The following PLIN3 variants were observed in gnomAD, a reference collection of about 807,000 sequenced individuals.
PLIN3 encodes perilipin-3.
A neutral mutation model predicts 35.9 loss-of-function variants in PLIN3; 30 were observed. The ratio of observed to expected loss-of-function variants is 0.84; its 90% CI spans 0.62 to 1.13. The LOEUF (loss-of-function observed/expected upper bound fraction) is 1.13. Among genes scored for constraint, PLIN3 ranks in the 50% most tolerant of loss-of-function variants. The pLI is 0.00. For missense variants in PLIN3, 603 were observed against 596.9 expected, an observed-to-expected ratio of 1.01 and a Z score of -0.11; for synonymous variants, 261 against 262.5, an observed-to-expected ratio of 0.99 and a Z score of 0.06.
chr19:4,843,483 G>A (rs550518160), intron 7 of PLIN3, among the ~76,000 whole-genome samples: 26 of 145,910 alleles, frequency 1.8e-4, no homozygotes, highest in Admixed American at 1.8e-3. Flanking sequence ...ACTCCAGCCT[G>A]GGTGACAGAG....
At chr19:4,855,392 G>T (rs917569466) in intron 4 of PLIN3, among the ~76,000 whole-genome samples, 1 of 152,100 alleles carries the variant, frequency 6.6e-6, no homozygotes, top group African/African-American at 2.4e-5. Context: ...GGGAAGCAAG[G>T]GCTTGGCCCT....
rs2030307714 is a variant in PLIN3 at position 4,852,014 on chromosome 19, ACCCAGTTCGGCAT to A, written c.623_634+1del. The A allele has an allele frequency of 2.5e-6, 4 of 1,612,598 alleles. No homozygotes were observed. The highest frequency in any genetic ancestry group is 3.4e-6 in the Non-Finnish European group (4 of 1,179,302). On this transcript the variant is annotated splice_donor_variant and coding_sequence_variant, in exon 5 of 8. Transcript: ENST00000221957. LOFTEE classifies it high-confidence loss of function. Reference sequence around the variant, plus strand: ...CCAGAGCAGCCCGCTGGCCACACTTACCCAGTTCGGCATCCGTAAGGGGCAGGTGGTTGTCCGC... The same window carrying A: ...CCAGAGCAGCCCGCTGGCCACACTTACCGTAAGGGGCAGGTGGTTGTCCGC...
At position 4,852,291 on chromosome 19, in the gene PLIN3, T is replaced by A. The variant is rs1460690416; in HGVS notation, c.359A>T (p.Asp120Val). 6.2e-7 allele frequency: 1 copy of A among 1,602,392 alleles called. No individual in the cohort carries two copies. Among genetic ancestry groups the A allele is most frequent in the Non-Finnish European group, 8.5e-7 (1 of 1,179,808 alleles). Residue 120 changes from aspartate (D) to valine (V), a missense_variant, in exon 5 of 8, where the codon GAC (aspartate) becomes GTC (valine). Asp to Val is a radical substitution (Grantham distance 152, BLOSUM62 -3). Transcript: ENST00000221957. ...CTTAGACGACACAAGCTCCTTGGTG[T>A]CCGCCAGGACCTAGGAGATGCAACA... The part of the protein sequence containing the change: ...LQQPTEKVLA[D>V]TKELVSSKVS...
intron 4 of PLIN3, among the ~76,000 whole-genome samples, chr19:4,858,275 A>AC (rs2030539300): frequency 6.7e-6 from 1 of 150,082 alleles, no homozygotes; most frequent in East Asian, 2.0e-4. Context: ...CGTCTCAAAA[A>AC]AAAAAAAAAA....
At chr19:4,846,088 A>G (rs9304914) in intron 6 of PLIN3, among the ~76,000 whole-genome samples, 129,728 of 151,670 alleles carry the variant, frequency 0.86, 55,506 homozygotes, top group Admixed American at 0.91. Flanking sequence ...TTAGCCAGGC[A>G]TGGTGGCCGG....
rs533525639 is a variant in PLIN3 at position 4,842,449 on chromosome 19, A to C, written c.960+2219T>G. On this transcript the variant is annotated intron_variant, in intron 7 of 7. Coordinates refer to ENST00000221957, the MANE Select transcript of PLIN3 (RefSeq NM_005817.5). The stretch of plus-strand genomic sequence containing the variant: ...GTCTCAAAAATAAATAAATAAATCA[A>C]ATTAGCTGGGCGTGGTGGCAGGTGC... Among the ~76,000 whole-genome samples the C allele has an allele frequency of 2.0e-5, 3 of 151,352 alleles. No individual in the cohort carries two copies. The South Asian group carries it at 6.3e-4, about 32-fold the overall frequency.
chr19:4,849,797 A>T (rs8110366), intron 5 of PLIN3, among the ~76,000 whole-genome samples: 1 of 151,700 alleles, frequency 6.6e-6, no homozygotes, highest in South Asian at 2.1e-4. Context: ...GGATTACAGG[A>T]ATGTGCCACC....
In PLIN3 at chr19:4,839,385, G is replaced by A. The variant is rs965891243; in HGVS notation, c.1112C>T (p.Ala371Val). 1.1e-5 allele frequency: 17 copies of A among 1,612,422 alleles called. No homozygotes were observed. In the Admixed American group the frequency reaches 2.0e-4, roughly 19 times the overall value. Reference sequence around the variant, plus strand: ...GAAGGAGTGGATGCTGGAAAACGTGGCCTGGAGGTCCTCCACCTGGCGGCG... The same window carrying A: ...GAAGGAGTGGATGCTGGAAAACGTGACCTGGAGGTCCTCCACCTGGCGGCG... The part of the protein sequence containing the change: ...QARRQVEDLQ[A>V]TFSSIHSFQD... Residue 371 changes from alanine (A) to valine (V), a missense_variant, in exon 8 of 8, where the codon GCC becomes GTC. Transcript: ENST00000221957.
intron 6 of PLIN3, among the ~76,000 whole-genome samples, chr19:4,845,231 G>T (rs1291259069): frequency 6.6e-6 from 1 of 151,954 alleles, no homozygotes; most frequent in Non-Finnish European, 1.5e-5. Context: ...TTCGAGACCA[G>T]CCTAACCAAC....
chr19:4,864,342 G>T (rs2030778197), intron 1 of PLIN3, among the ~76,000 whole-genome samples: 1 of 151,660 alleles, frequency 6.6e-6, no homozygotes. Flanking sequence ...GTAGAGATGG[G>T]GTTTCACTAT....
At chr19:4,851,262 C>T (rs1327082411) in intron 5 of PLIN3, among the ~76,000 whole-genome samples, 9 of 151,994 alleles carry the variant, frequency 5.9e-5, no homozygotes, top group South Asian at 4.2e-4. Flanking sequence ...GTCAGGAGTT[C>T]GAGACCAGCC....
At chr19:4,864,946 C>T (rs2030800913) in intron 1 of PLIN3, among the ~76,000 whole-genome samples, 2 of 152,122 alleles carry the variant, frequency 1.3e-5, no homozygotes, top group African/African-American at 4.8e-5. Flanking sequence ...AATCCCAGCA[C>T]GCTGGGAGGC....
intron 4 of PLIN3, among the ~76,000 whole-genome samples, chr19:4,856,297 A>G (rs1809981): frequency 0.83 from 125,777 of 151,994 alleles, 52,251 homozygotes; most frequent in East Asian, 0.93. Context: ...GGTGGCTCAC[A>G]CCTGTAATCC....
chr19:4,852,214 G>C lies in PLIN3; in HGVS notation c.436C>G (p.Gln146Glu). Residue 146 changes from glutamine (Q) to glutamate (E), a missense_variant, in exon 5 of 8, where the codon CAA becomes GAA. Gln to Glu is a conservative substitution (Grantham distance 29). Coordinates refer to ENST00000221957, the MANE Select transcript of PLIN3 (RefSeq NM_005817.5). ...VSSAKDTVAT[Q>E]LSEAVDATRG... ...GTCGCGTCCACCGCCTCCGACAATT[G>C]GGTGGCCACCGTGTCCTTGGCGCTA... 6.2e-7 allele frequency: 1 copy of C among 1,611,948 alleles called. No individual in the cohort carries two copies. Among genetic ancestry groups the C allele is most frequent in the South Asian group, 1.1e-5 (1 of 91,072 alleles).
chr19:4,861,579 G>A (rs926000719), intron 1 of PLIN3, among the ~76,000 whole-genome samples, 168 bp from the exon 2 acceptor site: 1 of 152,258 alleles, frequency 6.6e-6, no homozygotes, highest in Admixed American at 6.5e-5. Flanking sequence ...TTGTTCAATA[G>A]CAAGTGCTGA....
chr19:4,866,302 G>C (rs1323797688), intron 1 of PLIN3, among the ~76,000 whole-genome samples: 1 of 152,154 alleles, frequency 6.6e-6, no homozygotes, highest in African/African-American at 2.4e-5. Flanking sequence ...ATAGGCGTGA[G>C]TCATCCTGCC....
At chr19:4,854,926 G>A (rs1353807654) in intron 4 of PLIN3, among the ~76,000 whole-genome samples, 1 of 151,854 alleles carries the variant, frequency 6.6e-6, no homozygotes, top group Non-Finnish European at 1.5e-5. Context: ...AACAGCCTGG[G>A]CAACATAGTA....
In PLIN3 at chr19:4,859,749, G is replaced by A. The variant is rs1189455625; in HGVS notation, c.265+77C>T. 3.8e-6 allele frequency: 6 copies of A among 1,594,308 alleles called. 1 individual carries two copies. The South Asian group carries it at 5.5e-5, about 15-fold the overall frequency. The stretch of plus-strand genomic sequence containing the variant: ...ATGGTTCAGGGGGACAGGACCAAGA[G>A]CTGGGTAGACCCCCCTACTCCCCAC... On this transcript the variant is annotated intron_variant, in intron 3 of 7. Transcript: ENST00000221957.
intron 2 of PLIN3, among the ~76,000 whole-genome samples, 173 bp from the exon 3 acceptor site, chr19:4,860,197 G>A (rs1017769845): frequency 5.9e-5 from 9 of 152,218 alleles, no homozygotes; most frequent in Admixed American, 1.3e-4. Flanking sequence ...GTTTCGCCAC[G>A]TGCTTCCTTT....
Sources: gnomAD v4.1 joint callset for allele counts (sites outside exome capture counted in the v4.1 genomes callset) on GRCh38, gnomAD v4.1.1 for gene constraint, MANE v1.5 for transcripts, NCBI Gene and HGNC (gene_info 2026-07-23, HGNC 2026-07-21) for gene names.